Variants in NLGN4X observed in about 807,000 individuals in gnomAD.
The protein encoded by NLGN4X is neuroligin 4 X-linked, also known as neuroligin-4, X-linked.
In NLGN4X, 3 loss-of-function variants were observed where a neutral mutation model predicts 40.3. The observed-to-expected ratio is 0.07, with a 90% CI of 0.03 to 0.19. The LOEUF is 0.19. Ranked by LOEUF, NLGN4X falls within the 10% of genes least tolerant of loss-of-function variation. NLGN4X has a pLI of 1.00. For missense variants in NLGN4X, 382 were observed against 708.3 expected, an observed-to-expected ratio of 0.54 and a Z score of 5.23; for synonymous variants, 270 against 306.8, an observed-to-expected ratio of 0.88 and a Z score of 1.25.
chrX:6,156,098 T>C (rs1009315264), intron 1 of NLGN4X, among the ~76,000 whole-genome samples: 1 of 112,527 alleles, frequency 8.9e-6, no homozygotes, highest in Non-Finnish European at 1.9e-5. Context: ...CATGCACATG[T>C]ATGCTCATCA....
chrX:6,084,532 C>CA (rs1013186073), intron 2 of NLGN4X, among the ~76,000 whole-genome samples: 2 of 111,133 alleles, frequency 1.8e-5, no homozygotes, highest in African/African-American at 6.6e-5. Flanking sequence ...ATAATGAAAA[C>CA]AAAAAAGGTC....
At chrX:6,225,689 CTTTTTTTTTTTTTTTTTTTTT>C (rs749574818) in intron 1 of NLGN4X, among the ~76,000 whole-genome samples, 3 of 26,913 alleles carry the variant, frequency 1.1e-4, no homozygotes, top group Admixed American at 7.0e-4. Context: ...TTCTTTTTTT[CTTTTTTTTTTTTTTTTTTTTT>C]TTTTTTTTTT....
chrX:5,901,933 T>A (rs1194045067), intron 5 of NLGN4X, among the ~76,000 whole-genome samples: 1 of 108,319 alleles, frequency 9.2e-6, no homozygotes, highest in Non-Finnish European at 1.9e-5. Context: ...TATTTTTATA[T>A]AGACATTAAA....
At chrX:5,902,665 G>A (rs1004450648) in intron 5 of NLGN4X, among the ~76,000 whole-genome samples, 2 of 112,190 alleles carry the variant, frequency 1.8e-5, no homozygotes, top group Non-Finnish European at 3.8e-5. Flanking sequence ...GCACTCCAGT[G>A]TGGGCAACAG....
At chrX:6,087,565 G>A (rs756204304) in intron 2 of NLGN4X, among the ~76,000 whole-genome samples, 27 of 111,885 alleles carry the variant, frequency 2.4e-4, no homozygotes, top group African/African-American at 7.5e-4. Context: ...GATCACCTAT[G>A]TACATATATC....
At chrX:6,047,074 T>C (rs1170617092) in intron 2 of NLGN4X, among the ~76,000 whole-genome samples, 2 of 110,161 alleles carry the variant, frequency 1.8e-5, no homozygotes, top group Admixed American at 9.8e-5. Context: ...TATATACATA[T>C]ACATTTTTAA....
intron 4 of NLGN4X, among the ~76,000 whole-genome samples, chrX:5,904,529 T>C (rs1014420627): frequency 6.2e-5 from 7 of 112,028 alleles, no homozygotes; most frequent in South Asian, 3.7e-4. Context: ...ACTACATCCA[T>C]TGGAAACTCA....
chrX:6,010,807 G>A (rs1298991798), intron 3 of NLGN4X, among the ~76,000 whole-genome samples: 8 of 110,948 alleles, frequency 7.2e-5, no homozygotes, highest in South Asian at 7.5e-4. Flanking sequence ...GATAACAGGC[G>A]TGAGTCACTG....
At chrX:5,965,109 C>A (rs2034783771) in intron 3 of NLGN4X, among the ~76,000 whole-genome samples, 1 of 111,710 alleles carries the variant, frequency 9.0e-6, no homozygotes, top group Non-Finnish European at 1.9e-5. Context: ...ATTCAGAGAA[C>A]ACCCTATTAA....
intron 1 of NLGN4X, among the ~76,000 whole-genome samples, chrX:6,175,395 T>C (rs1449574176): frequency 9.0e-6 from 1 of 110,574 alleles, no homozygotes; most frequent in Admixed American, 9.8e-5. Flanking sequence ...TTTAACCAGT[T>C]CCAATATTTC....
At chrX:6,174,664 G>T (rs2040683354) in intron 1 of NLGN4X, among the ~76,000 whole-genome samples, 3 of 111,978 alleles carry the variant, frequency 2.7e-5, no homozygotes, top group Admixed American at 1.9e-4. Context: ...ACTGCTGGAG[G>T]CCATTATCCT....
intron 1 of NLGN4X, among the ~76,000 whole-genome samples, chrX:6,201,901 C>G (rs1156781410): frequency 9.0e-6 from 1 of 111,067 alleles, no homozygotes; most frequent in Non-Finnish European, 1.9e-5. Flanking sequence ...AAATAATCAT[C>G]AAACCATGAG....
chrX:6,157,255 T>A (rs1381310705), intron 1 of NLGN4X, among the ~76,000 whole-genome samples: 1 of 111,884 alleles, frequency 8.9e-6, no homozygotes, highest in Non-Finnish European at 1.9e-5. Flanking sequence ...GGAACATGCA[T>A]GAGCCATAAT....
chrX:5,894,212 T>G (rs1349964576), intron 5 of NLGN4X, among the ~76,000 whole-genome samples: 2 of 112,194 alleles, frequency 1.8e-5, no homozygotes, highest in Non-Finnish European at 3.8e-5. Flanking sequence ...GACCCAAATG[T>G]TAACAGTACT....
intron 2 of NLGN4X, among the ~76,000 whole-genome samples, chrX:6,050,918 G>A (rs1051836388): frequency 1.8e-5 from 2 of 111,674 alleles, no homozygotes; most frequent in Non-Finnish European, 3.8e-5. Flanking sequence ...AAGATGATCT[G>A]AATTAGGAGT....
chrX:5,957,986 G>A (rs2146967991), intron 3 of NLGN4X, among the ~76,000 whole-genome samples: 1 of 111,133 alleles, frequency 9.0e-6, no homozygotes, highest in South Asian at 3.8e-4. Flanking sequence ...CCTTTTCTTT[G>A]TCTTTATCAC....
chrX:6,072,595 A>G (rs2038094707), intron 2 of NLGN4X, among the ~76,000 whole-genome samples: 1 of 111,623 alleles, frequency 9.0e-6, no homozygotes, highest in Admixed American at 9.6e-5. Flanking sequence ...TTTTGCCACT[A>G]TTTTAAAAAA....
chrX:6,091,511 G>C (rs1326265676), intron 2 of NLGN4X, among the ~76,000 whole-genome samples: 1 of 111,176 alleles, frequency 9.0e-6, no homozygotes, highest in Non-Finnish European at 1.9e-5. Context: ...TTTCCTTAGA[G>C]TATTAAAGGA....
chrX:6,209,812 T>C (rs974963906), intron 1 of NLGN4X, among the ~76,000 whole-genome samples: 2 of 112,034 alleles, frequency 1.8e-5, no homozygotes, highest in Non-Finnish European at 3.8e-5. Context: ...GCCAACTATC[T>C]ATAACTGTAT....
Sources: allele counts gnomAD v4.1 joint callset (sites outside exome capture counted in the v4.1 genomes callset), GRCh38; gene constraint gnomAD v4.1.1; transcripts MANE v1.5; gene names NCBI Gene and HGNC (gene_info 2026-07-23, HGNC 2026-07-21).